Variants in NIPAL3 observed in about 807,000 individuals in gnomAD.
NIPAL3 encodes the protein NIPA like domain containing 3.
A neutral mutation model predicts 47.2 loss-of-function variants in NIPAL3; 41 were observed. That is an observed-to-expected ratio of 0.87 (90% CI 0.68 to 1.13). The LOEUF is 1.13. Among genes scored for constraint, NIPAL3 ranks in the 50% most tolerant of loss-of-function variants. NIPAL3 has a pLI of 0.00. For missense variants in NIPAL3, 449 were observed against 530.1 expected, an observed-to-expected ratio of 0.85 and a Z score of 1.50; for synonymous variants, 194 against 209.6, an observed-to-expected ratio of 0.93 and a Z score of 0.64.
At chr1:24,452,267 G>A (rs149680220) in intron 6 of NIPAL3, among the ~76,000 whole-genome samples, 11 of 152,288 alleles carry the variant, frequency 7.2e-5, no homozygotes, top group Admixed American at 3.9e-4. Context: ...ACTTGCCATC[G>A]TCTAGTGGTA....
chr1:24,437,296 T>G (rs1200951689), intron 2 of NIPAL3, among the ~76,000 whole-genome samples: 1 of 152,192 alleles, frequency 6.6e-6, no homozygotes, highest in Non-Finnish European at 1.5e-5. Context: ...TAAATACAAT[T>G]TGTTAGATGT....
chr1:24,459,128 C>T (rs1192316785), intron 9 of NIPAL3, 152 bp downstream of exon 9: 2 of 685,832 alleles, frequency 2.9e-6, no homozygotes, highest in African/African-American at 3.5e-5. Context: ...ACAGAGAGAC[C>T]CGGGTTTGTA....
chr1:24,446,045 G>A (rs895757849), intron 5 of NIPAL3, among the ~76,000 whole-genome samples: 3 of 140,424 alleles, frequency 2.1e-5, no homozygotes, highest in Admixed American at 7.2e-5. Flanking sequence ...GATAGATGGG[G>A]CTTCTGCTCA....
In NIPAL3 at chr1:24,434,629, A is replaced by T. The variant is rs565881374; in HGVS notation, c.94-5543A>T. On this transcript the variant is annotated intron_variant, in intron 2 of 11. Transcript: ENST00000374399. ...GAATATTCCACTCAACAAAAGCAAA[A>T]TACAAATTCTTCTTAAGTGCACATG... 2.0e-5 allele frequency among the ~76,000 whole-genome samples: 3 copies of T among 152,334 alleles called. No homozygotes were observed. The East Asian group carries it at 5.8e-4, about 29-fold the overall frequency.
Position 24,471,224 on chromosome 1 carries a change from A to T in NIPAL3, c.*2039A>T, listed in dbSNP as rs1646890481. The T allele has an allele frequency of 6.6e-6, 1 of 152,602 alleles. No individual in the cohort carries two copies. The highest frequency in any genetic ancestry group is 1.5e-5 in the Non-Finnish European group (1 of 68,378). 9.5% of individuals were successfully genotyped at this position (152,602 alleles called of 1,614,324 possible). A position where few individuals can be genotyped will look rare whatever the true frequency, so the allele number is the denominator to read the frequency against. The stretch of plus-strand genomic sequence containing the variant: ...GCATTTGCAAAGGCACAGAGCTAAG[A>T]GGAGCTGGGCAAAGAAAGGAAAGCC... On this transcript the variant is annotated 3_prime_UTR_variant, in exon 12 of 12. Coordinates refer to ENST00000374399, the MANE Select transcript of NIPAL3 (RefSeq NM_020448.5).
At chr1:24,413,850 T>A (rs1230567484), upstream of NIPAL3, 2 of 152,206 alleles carry the variant, frequency 1.3e-5, no homozygotes, top group Non-Finnish European at 2.9e-5. Context: ...CGTTTCAAAG[T>A]CCGCAGAGAA....
At chr1:24,428,156 C>G (rs1405976584) in intron 2 of NIPAL3, among the ~76,000 whole-genome samples, 1 of 151,980 alleles carries the variant, frequency 6.6e-6, no homozygotes, top group African/African-American at 2.4e-5. Flanking sequence ...GGGAGTATGG[C>G]TTGATAGCCA....
At chr1:24,447,286 A>G (rs11806902) in intron 5 of NIPAL3, among the ~76,000 whole-genome samples, 13,782 of 152,280 alleles carry the variant, frequency 0.091, 1,964 homozygotes, top group African/African-American at 0.3. Flanking sequence ...AAGATGAATT[A>G]ATGCATGGAT....
chr1:24,455,454 C>A (rs928926199), intron 7 of NIPAL3, among the ~76,000 whole-genome samples: 1 of 152,214 alleles, frequency 6.6e-6, no homozygotes, highest in African/African-American at 2.4e-5. Flanking sequence ...AACAGATACA[C>A]ACATATTGGA....
intron 2 of NIPAL3, among the ~76,000 whole-genome samples, chr1:24,426,820 G>A (rs2235552): frequency 0.27 from 40,765 of 151,984 alleles, 5,688 homozygotes; most frequent in East Asian, 0.45. Flanking sequence ...GAAAAGTTGG[G>A]AACCTGATTG....
intron 1 of NIPAL3, among the ~76,000 whole-genome samples, chr1:24,417,687 C>G (rs945480475): frequency 2.0e-5 from 3 of 152,178 alleles, no homozygotes; most frequent in Non-Finnish European, 4.4e-5. Context: ...GAAACCAAGC[C>G]AAATGGTTTC....
In NIPAL3 at chr1:24,458,937, G is replaced by A. The variant is rs776215856; in HGVS notation, c.823G>A (p.Val275Met). Reference protein sequence around the residue: ...QMYDSSLIASVGYILSTTIAI... With the variant: ...QMYDSSLIASMGYILSTTIAI... The stretch of plus-strand genomic sequence containing the variant: ...GTACGACTCCTCTTTGATTGCCAGT[G>A]TGGGCTACATTCTGTCCACAACCAT... Residue 275 changes from valine to methionine, a missense_variant, in exon 9 of 12, where the codon GTG becomes ATG. By Grantham distance (21) the Val-to-Met change is conservative. Transcript: ENST00000374399. 6.2e-7 allele frequency: 1 copy of A among 1,614,090 alleles called. No homozygotes were observed. Among genetic ancestry groups the A allele is most frequent in the Non-Finnish European group, 8.5e-7 (1 of 1,179,960 alleles).
intron 1 of NIPAL3, among the ~76,000 whole-genome samples, chr1:24,417,149 T>C (rs1644090039): frequency 6.6e-6 from 1 of 152,194 alleles, no homozygotes; most frequent in South Asian, 2.1e-4. Context: ...TTAACCAGCC[T>C]GCATTTAGTC....
intron 7 of NIPAL3, 150 bp downstream of exon 7, chr1:24,453,654 G>A: frequency 1.5e-6 from 1 of 669,512 alleles, no homozygotes; most frequent in Non-Finnish European, 2.6e-6. Flanking sequence ...GCTCTGGGGA[G>A]CTGGGTCCCT....
intron 2 of NIPAL3, among the ~76,000 whole-genome samples, chr1:24,431,093 G>A (rs1483885860): frequency 6.6e-6 from 1 of 152,168 alleles, no homozygotes; most frequent in Non-Finnish European, 1.5e-5. Context: ...CTCTGGCTTA[G>A]GAATATTCCA....
rs1309779722 is a variant in NIPAL3 at position 24,472,366 on chromosome 1, G to A, written c.*3181G>A. On this transcript the variant is annotated 3_prime_UTR_variant, in exon 12 of 12. Transcript: ENST00000374399. The stretch of plus-strand genomic sequence containing the variant: ...CAGTGGTATAAATGGACTGTCTGCT[G>A]ATGGCCATACGCAGCACTGGCTGTT... 1 of 152,240 alleles carries A rather than the reference G, an allele frequency of 6.6e-6. No homozygotes were observed. The highest frequency in any genetic ancestry group is 1.9e-4 in the East Asian group (1 of 5,196). The allele number at this position is 152,240 out of a possible 1,614,324, so 9.4% of individuals were successfully genotyped here.
intron 2 of NIPAL3, among the ~76,000 whole-genome samples, chr1:24,439,650 A>T (rs1176725839): frequency 6.6e-6 from 1 of 152,200 alleles, no homozygotes; most frequent in Non-Finnish European, 1.5e-5. Flanking sequence ...TCATTTTAGA[A>T]AGTACAAAAT....
chr1:24,440,212 TC>T lies in NIPAL3; in HGVS notation c.135del (p.Val46TrpfsTer37). 6.3e-7 allele frequency: 1 copy of T among 1,598,330 alleles called. No homozygotes were observed. The highest frequency in any genetic ancestry group is 8.5e-7 in the Non-Finnish European group (1 of 1,172,822). The part of the protein sequence containing the change: ...IGALLAIFGH[L>X]VVSIALNLQK... Reference sequence around the variant, plus strand: ...GCCCTCTTGGCGATCTTCGGGCACCTCGTGGTCAGCATTGCACTTAACCTCC... The same window carrying T: ...GCCCTCTTGGCGATCTTCGGGCACCTGTGGTCAGCATTGCACTTAACCTCC... On this transcript the variant is annotated frameshift_variant, in exon 3 of 12. Transcript: ENST00000374399. LOFTEE classifies it high-confidence loss of function.
At chr1:24,459,076 A>AAATCACTCTAC in intron 9 of NIPAL3, 100 bp downstream of exon 9, 1 of 1,009,688 alleles carries the variant, frequency 9.9e-7, no homozygotes, top group Non-Finnish European at 1.5e-6. Flanking sequence ...TTCTCCCCGT[A>AAATCACTCTAC]GAGTGATTTA....
Sources: allele counts gnomAD v4.1 joint callset (sites outside exome capture counted in the v4.1 genomes callset), GRCh38; gene constraint gnomAD v4.1.1; transcripts MANE v1.5; gene names NCBI Gene and HGNC (gene_info 2026-07-23, HGNC 2026-07-21).